The following ZNF385B variants were observed in gnomAD, a reference collection of about 807,000 sequenced individuals.
ZNF385B encodes zinc finger protein 533.
ZNF385B carries 23 observed loss-of-function variants against 39.2 expected under a neutral mutation model. The ratio of observed to expected loss-of-function variants is 0.59; its 90% confidence interval spans 0.42 to 0.83. The LOEUF is 0.83. Ranked by LOEUF, ZNF385B falls within the 40% of genes least tolerant of loss-of-function variation. ZNF385B has a pLI of 0.00. For missense variants in ZNF385B, 552 were observed against 598.9 expected (o/e 0.92, Z 0.82); for synonymous variants, 205 against 222.6 (o/e 0.92, Z 0.70).
At chr2:179,572,349 G>A (rs1361526659) in intron 3 of ZNF385B, among the ~76,000 whole-genome samples, 1 of 152,096 alleles carries the variant, frequency 6.6e-6, no homozygotes, top group African/African-American at 2.4e-5. Context: ...TAACTGCCTC[G>A]TGAAGGGTTT....
chr2:179,711,575 A>C (rs1158855624), intron 3 of ZNF385B, among the ~76,000 whole-genome samples: 2 of 152,168 alleles, frequency 1.3e-5, no homozygotes, highest in African/African-American at 4.8e-5. Flanking sequence ...ATCCAAGCTA[A>C]AGAATCTGGG....
chr2:179,677,950 C>A (rs1697071633), intron 3 of ZNF385B, among the ~76,000 whole-genome samples: 1 of 152,136 alleles, frequency 6.6e-6, no homozygotes, highest in African/African-American at 2.4e-5. Flanking sequence ...CAGATACATA[C>A]CACAGAAGAA....
intron 1 of ZNF385B, chr2:179,860,858 T>C: frequency 2.6e-6 from 1 of 384,362 alleles, no homozygotes; most frequent in Middle Eastern, 5.2e-4. Context: ...CACGACCTAA[T>C]CCTAACTCCA....
At chr2:179,462,587 A>T (rs1307180502) in intron 6 of ZNF385B, among the ~76,000 whole-genome samples, 3 of 152,236 alleles carry the variant, frequency 2.0e-5, no homozygotes, top group African/African-American at 7.2e-5. Flanking sequence ...ATGGATTAAA[A>T]AAAAAAGCAC....
chr2:179,721,565 A>G (rs539156428), intron 3 of ZNF385B, among the ~76,000 whole-genome samples: 13 of 152,300 alleles, frequency 8.5e-5, no homozygotes, highest in African/African-American at 2.9e-4. Context: ...CAAAATCATC[A>G]GCACACTGAA....
chr2:179,477,304 A>C lies in ZNF385B; in HGVS notation c.715+5968T>G, dbSNP rs193020688. On this transcript the variant is annotated intron_variant, in intron 6 of 9. Transcript: ENST00000410066. ...GGCAACAGGGTGACCACAAAAAGCT[A>C]AACTGCTGCTTTTGAGGCAAATCAT... is the stretch of plus-strand genomic sequence containing the variant. Among the ~76,000 whole-genome samples, 253 of 152,328 alleles carry C rather than the reference A, an allele frequency of 1.7e-3. 1 individual carries two copies. Among genetic ancestry groups the C allele is most frequent in the African/African-American group, 5.8e-3 (243 of 41,570 alleles).
At chr2:179,657,633 A>G (rs1693941855) in intron 3 of ZNF385B, among the ~76,000 whole-genome samples, 1 of 152,246 alleles carries the variant, frequency 6.6e-6, no homozygotes, top group South Asian at 2.1e-4. Flanking sequence ...GACGTAAATA[A>G]CTTTATAAAA....
intron 6 of ZNF385B, among the ~76,000 whole-genome samples, chr2:179,458,627 A>G (rs2050964781): frequency 6.6e-6 from 1 of 152,182 alleles, no homozygotes; most frequent in Non-Finnish European, 1.5e-5. Flanking sequence ...TAAGAGAAGT[A>G]TATATCTATT....
intron 3 of ZNF385B, among the ~76,000 whole-genome samples, chr2:179,696,284 A>G (rs1162879605): frequency 6.7e-6 from 1 of 148,454 alleles, no homozygotes; most frequent in Non-Finnish European, 1.5e-5. Flanking sequence ...ATATGTTTAA[A>G]AAGAAAAGAA....
At chr2:179,667,620 A>G (rs1450045804) in intron 3 of ZNF385B, among the ~76,000 whole-genome samples, 1 of 152,214 alleles carries the variant, frequency 6.6e-6, no homozygotes, top group African/African-American at 2.4e-5. Context: ...GTGCTAATCC[A>G]TCCCTCAGGA....
intron 6 of ZNF385B, among the ~76,000 whole-genome samples, chr2:179,471,173 T>C (rs1390889897): frequency 2.0e-4 from 30 of 152,310 alleles, no homozygotes; most frequent in Non-Finnish European, 1.5e-5. Context: ...CCATAAAGAA[T>C]TGGGCAAGAA....
intron 1 of ZNF385B, among the ~76,000 whole-genome samples, chr2:179,846,015 C>G (rs999875372): frequency 1.3e-5 from 2 of 152,214 alleles, no homozygotes; most frequent in African/African-American, 4.8e-5. Flanking sequence ...CACTGGCATA[C>G]TTGCACATGG....
intron 3 of ZNF385B, among the ~76,000 whole-genome samples, chr2:179,551,400 A>G (rs1274703923): frequency 1.3e-5 from 2 of 151,284 alleles, no homozygotes; most frequent in Non-Finnish European, 2.9e-5. Context: ...ATAGCTGCAT[A>G]AGGTAGGGGC....
intron 3 of ZNF385B, chr2:179,745,622 AGG>A (rs202095275): frequency 2.7e-6 from 3 of 1,124,168 alleles, no homozygotes; most frequent in Non-Finnish European, 3.6e-6. Context: ...AACACAATTG[AGG>A]ACTCCACAGG....
At chr2:179,743,842 T>A (rs1702218463) in intron 3 of ZNF385B, among the ~76,000 whole-genome samples, 1 of 152,162 alleles carries the variant, frequency 6.6e-6, no homozygotes, top group African/African-American at 2.4e-5. Context: ...GATGATTGCA[T>A]GAAAGAAGGC....
chr2:179,624,718 G>T (rs909253735), intron 3 of ZNF385B, among the ~76,000 whole-genome samples: 1 of 152,164 alleles, frequency 6.6e-6, no homozygotes, highest in Non-Finnish European at 1.5e-5. Context: ...AGGTAGAATT[G>T]CTCATCCCAT....
At chr2:179,476,102 A>C (rs2105552852) in intron 6 of ZNF385B, among the ~76,000 whole-genome samples, 1 of 151,556 alleles carries the variant, frequency 6.6e-6, no homozygotes, top group Admixed American at 6.6e-5. Flanking sequence ...ATATACACGT[A>C]TTTATTGAGG....
chr2:179,631,763 T>C (rs1385713653), intron 3 of ZNF385B, among the ~76,000 whole-genome samples: 1 of 152,074 alleles, frequency 6.6e-6, no homozygotes, highest in Non-Finnish European at 1.5e-5. Flanking sequence ...GTGTGCTGTA[T>C]TCAGGAGACC....
At chr2:179,521,140 A>G (rs2058460399) in intron 4 of ZNF385B, among the ~76,000 whole-genome samples, 1 of 152,004 alleles carries the variant, frequency 6.6e-6, no homozygotes, top group African/African-American at 2.4e-5. Flanking sequence ...AGCTGCCTAC[A>G]TAATTTTTTA....
Sources: gnomAD v4.1 joint callset for allele counts (sites outside exome capture counted in the v4.1 genomes callset) on GRCh38, gnomAD v4.1.1 for gene constraint, MANE v1.5 for transcripts, NCBI Gene and HGNC (gene_info 2026-07-23, HGNC 2026-07-21) for gene names.